ZNF704: variants seen among roughly 807,000 people sequenced by gnomAD.
ZNF704 encodes glucocorticoid induced gene 1.
ZNF704 carries 10 observed loss-of-function variants against 44.7 expected under a neutral mutation model. The ratio of observed to expected loss-of-function variants is 0.22; its 90% CI spans 0.14 to 0.38. ZNF704 has a LOEUF of 0.38. Ranked by LOEUF, ZNF704 falls within the 10% of genes least tolerant of loss-of-function variation. The pLI is 1.00. For missense variants in ZNF704, 390 were observed against 545.5 expected (o/e 0.71, Z 2.84); for synonymous variants, 211 against 207.6 (o/e 1.02, Z -0.14).
At chr8:80,782,097 A>C (rs1807533863) in intron 2 of ZNF704, among the ~76,000 whole-genome samples, 1 of 152,198 alleles carries the variant, frequency 6.6e-6, no homozygotes, top group Non-Finnish European at 1.5e-5. Flanking sequence ...ATCCCCGAGC[A>C]ATCATCACTG....
chr8:80,864,692 G>A (rs1809124598), intron 1 of ZNF704, among the ~76,000 whole-genome samples: 1 of 152,106 alleles, frequency 6.6e-6, no homozygotes, highest in African/African-American at 2.4e-5. Flanking sequence ...AACAAAGAAT[G>A]ACTTCTTCAC....
At chr8:80,682,443 CCT>C (rs1449588543) in intron 4 of ZNF704, among the ~76,000 whole-genome samples, 3 of 152,202 alleles carry the variant, frequency 2.0e-5, no homozygotes. Flanking sequence ...TTAGAAATTG[CCT>C]CTGAGATGCT....
chr8:80,747,043 G>A (rs1242347453), intron 2 of ZNF704, among the ~76,000 whole-genome samples: 1 of 152,034 alleles, frequency 6.6e-6, no homozygotes, highest in Admixed American at 6.6e-5. Context: ...GCTGTCTTCC[G>A]AATATGTGCT....
At chr8:80,857,428 G>C (rs1191633201) in intron 1 of ZNF704, among the ~76,000 whole-genome samples, 2 of 152,132 alleles carry the variant, frequency 1.3e-5, no homozygotes, top group Admixed American at 1.3e-4. Flanking sequence ...TCATGAATGA[G>C]TATTGAACTT....
intron 2 of ZNF704, among the ~76,000 whole-genome samples, chr8:80,717,768 A>G (rs1000909683): frequency 1.3e-5 from 2 of 152,090 alleles, no homozygotes; most frequent in African/African-American, 2.4e-5. Flanking sequence ...GATCTTGTTG[A>G]AATGTAGCTC....
In ZNF704 at chr8:80,641,374, G is replaced by A; in HGVS notation, c.1231C>T (p.Leu411Phe). ...CRWKKACQRF[L>F]D ...CTCTGCCTGGGGGTCTCTCAGTCGA[G>A]GAACCTCTGGCAGGCCTTCTTCCAG... Residue 411 changes from leucine (L) to phenylalanine (F), a missense_variant, in exon 9 of 9, where the codon CTC becomes TTC. Coordinates refer to ENST00000327835, the MANE Select transcript of ZNF704 (RefSeq NM_001033723.3). 6.2e-7 allele frequency: 1 copy of A among 1,612,726 alleles called. No individual in the cohort carries two copies. The highest frequency in any genetic ancestry group is 1.1e-5 in the South Asian group (1 of 90,870).
At chr8:80,684,529 TG>T (rs1315787335) in intron 4 of ZNF704, among the ~76,000 whole-genome samples, 1 of 152,148 alleles carries the variant, frequency 6.6e-6, no homozygotes, top group Non-Finnish European at 1.5e-5. Flanking sequence ...ATGGGTACTA[TG>T]AAACTGAGGG....
chr8:80,656,275 T>C (rs947509927), intron 7 of ZNF704, among the ~76,000 whole-genome samples: 24 of 152,194 alleles, frequency 1.6e-4, no homozygotes, highest in African/African-American at 5.5e-4. Context: ...CAGAACTGAA[T>C]TGGCCGACAC....
At chr8:80,746,861 T>A (rs544981872) in intron 2 of ZNF704, among the ~76,000 whole-genome samples, 1 of 152,140 alleles carries the variant, frequency 6.6e-6, no homozygotes, top group Admixed American at 6.5e-5. Context: ...GTCCTCACAA[T>A]TCACATTATT....
intron 2 of ZNF704, among the ~76,000 whole-genome samples, chr8:80,705,303 A>G (rs1818878642): frequency 6.6e-6 from 1 of 151,848 alleles, no homozygotes; most frequent in African/African-American, 2.4e-5. Flanking sequence ...GGGTGTGTGT[A>G]TATCTGCGTC....
At chr8:80,650,380 GA>G (rs1377462150) in intron 7 of ZNF704, among the ~76,000 whole-genome samples, 14 of 152,094 alleles carry the variant, frequency 9.2e-5, no homozygotes, top group South Asian at 6.2e-4. Context: ...GCTAAAGGAG[GA>G]AGTTCGAACC....
rs1177181620 is a variant in ZNF704, at chr8:80,638,894, G to C, written c.*2472C>G. 1 of 152,292 alleles carries C rather than the reference G, an allele frequency of 6.6e-6. No homozygotes were observed. Among genetic ancestry groups the C allele is most frequent in the East Asian group, 1.9e-4 (1 of 5,194 alleles). 9.4% of individuals were successfully genotyped at this position (152,292 alleles called of 1,614,324 possible). ...GAAAAATGCTTTAGAAAGGAGAAGA[G>C]ATCCCAGGGAAGCTACATTCAGCTC... is the stretch of plus-strand genomic sequence containing the variant. On this transcript the variant is annotated 3_prime_UTR_variant, in exon 9 of 9. Coordinates refer to ENST00000327835, the MANE Select transcript of ZNF704 (RefSeq NM_001033723.3).
At chr8:80,699,657 C>T (rs377309031) in intron 2 of ZNF704, among the ~76,000 whole-genome samples, 52 of 152,184 alleles carry the variant, frequency 3.4e-4, no homozygotes, top group African/African-American at 1.3e-3. Context: ...CTGTACCTGG[C>T]TCAACATGGC....
At chr8:80,690,895 GCTACT>G (rs1818622466) in intron 3 of ZNF704, among the ~76,000 whole-genome samples, 1 of 152,128 alleles carries the variant, frequency 6.6e-6, no homozygotes, top group African/African-American at 2.4e-5. Flanking sequence ...AGTAATCTCA[GCTACT>G]TGGGAGACTG....
intron 1 of ZNF704, among the ~76,000 whole-genome samples, chr8:80,832,080 A>G (rs1286947239): frequency 2.0e-5 from 3 of 152,244 alleles, no homozygotes; most frequent in African/African-American, 7.2e-5. Flanking sequence ...ATGTTCAATT[A>G]TATGAGAATA....
At chr8:80,671,671 C>T (rs1050908054) in intron 4 of ZNF704, among the ~76,000 whole-genome samples, 1 of 152,208 alleles carries the variant, frequency 6.6e-6, no homozygotes, top group Admixed American at 6.5e-5. Flanking sequence ...GGTATGGTGA[C>T]AGTCACTTCC....
At chr8:80,794,220 A>G (rs1807761236) in intron 2 of ZNF704, among the ~76,000 whole-genome samples, 1 of 152,174 alleles carries the variant, frequency 6.6e-6, no homozygotes, top group Non-Finnish European at 1.5e-5. Context: ...TCTTAATATT[A>G]TTTTGGTGAA....
At chr8:80,673,919 G>A (rs1053562915) in intron 4 of ZNF704, among the ~76,000 whole-genome samples, 2 of 152,214 alleles carry the variant, frequency 1.3e-5, no homozygotes, top group Non-Finnish European at 2.9e-5. Context: ...CTGCCTGGGT[G>A]GCCAGCATTC....
Position 80,664,815 on chromosome 8 carries a change from C to T in ZNF704, c.927G>A (p.Gln309=). Residue 309 remains glutamine, a splice_region_variant and synonymous_variant, in exon 6 of 9, where the codon CAG becomes CAA. Transcript: ENST00000327835. Reference sequence around the variant, plus strand: ...GCTCTCACAGTCCCCTGCAAGTCACCTGGTAAGCATGGTCAGTGTGCACGA... The same window carrying T: ...GCTCTCACAGTCCCCTGCAAGTCACTTGGTAAGCATGGTCAGTGTGCACGA... The part of the protein sequence containing the change: ...LYLVHTDHAY[Q]ATPPVTIPGS... 1 of 1,613,948 alleles carries T rather than the reference C, an allele frequency of 6.2e-7. No individual in the cohort carries two copies. Among genetic ancestry groups the T allele is most frequent in the Non-Finnish European group, 8.5e-7 (1 of 1,179,804 alleles).
Sources: allele counts gnomAD v4.1 joint callset (sites outside exome capture counted in the v4.1 genomes callset), GRCh38; gene constraint gnomAD v4.1.1; transcripts MANE v1.5; gene names NCBI Gene and HGNC (gene_info 2026-07-23, HGNC 2026-07-21).